The following LYZL4 variants were observed in gnomAD, a reference collection of about 807,000 sequenced individuals.
The protein encoded by LYZL4 is lysozyme-like protein 4.
In LYZL4, 13 loss-of-function variants were observed where a neutral mutation model predicts 17.6. That is an observed-to-expected ratio of 0.74 (90% CI 0.48 to 1.18). The LOEUF (loss-of-function observed/expected upper bound fraction) is 1.18. Among genes scored for constraint, LYZL4 ranks in the 50% most tolerant of loss-of-function variants. The pLI is 0.00. For missense variants in LYZL4, 174 were observed against 188.2 expected (o/e 0.92, Z 0.44); for synonymous variants, 64 against 67.7 (o/e 0.95, Z 0.27).
intron 3 of LYZL4, among the ~76,000 whole-genome samples, chr3:42,405,690 G>C (rs1698736770): frequency 6.6e-6 from 1 of 152,092 alleles, no homozygotes; most frequent in Non-Finnish European, 1.5e-5. Context: ...CCTCAGATGT[G>C]AGGGAGACCT....
the LYZL4 span, among the ~76,000 whole-genome samples, chr3:42,387,903 A>T: frequency 6.6e-6 from 1 of 152,006 alleles, no homozygotes; most frequent in East Asian, 1.9e-4. Context: ...TGTTGGGACA[A>T]ATCTCACTGG....
the LYZL4 span, among the ~76,000 whole-genome samples, chr3:42,383,439 C>CAAA: frequency 3.7e-5 from 4 of 108,900 alleles, no homozygotes; most frequent in South Asian, 3.4e-4. Context: ...TGATTTCCAC[C>CAAA]AAAAAAAAAA....
chr3:42,381,939 CT>C, the LYZL4 span, among the ~76,000 whole-genome samples: 10 of 152,294 alleles, frequency 6.6e-5, no homozygotes, highest in Admixed American at 2.0e-4. Context: ...GAGCTAAAAA[CT>C]GTAGCTTTCT....
chr3:42,409,314 T>C (rs952066688), intron 1 of LYZL4, among the ~76,000 whole-genome samples: 1 of 152,188 alleles, frequency 6.6e-6, no homozygotes, highest in Non-Finnish European at 1.5e-5. Flanking sequence ...GTATGGACAT[T>C]TTTCTTAGCT....
chr3:42,390,955 G>A, the LYZL4 span, among the ~76,000 whole-genome samples: 2 of 152,104 alleles, frequency 1.3e-5, no homozygotes, highest in African/African-American at 2.4e-5. Flanking sequence ...ATTAAGGCTG[G>A]CCACATAGCT....
chr3:42,406,799 C>T, intron 3 of LYZL4, 47 bp downstream of exon 3: 2 of 1,607,098 alleles, frequency 1.2e-6, no homozygotes, highest in East Asian at 2.2e-5. Flanking sequence ...TCTAACACAG[C>T]ACCATAGCCT....
intron 4 of LYZL4, among the ~76,000 whole-genome samples, chr3:42,399,551 C>A (rs757970033): frequency 6.6e-6 from 1 of 152,110 alleles, no homozygotes; most frequent in African/African-American, 2.4e-5. Context: ...TTCATGAGCT[C>A]TATTAATAGC....
chr3:42,387,097 C>T, the LYZL4 span, among the ~76,000 whole-genome samples: 1 of 152,162 alleles, frequency 6.6e-6, no homozygotes, highest in Non-Finnish European at 1.5e-5. Flanking sequence ...TTTATTTCTT[C>T]ATTTCCTCAC....
the LYZL4 span, among the ~76,000 whole-genome samples, chr3:42,387,378 G>A: frequency 6.6e-6 from 1 of 152,192 alleles, no homozygotes; most frequent in African/African-American, 2.4e-5. Flanking sequence ...AGAATTTCAT[G>A]TGTGTCACTT....
chr3:42,365,421 T>C, the LYZL4 span, among the ~76,000 whole-genome samples: 1 of 152,198 alleles, frequency 6.6e-6, no homozygotes, highest in Admixed American at 6.5e-5. Flanking sequence ...TTCTCTGTAG[T>C]TATCTAGGCT....
chr3:42,398,478 A>C (rs1266141234), intron 4 of LYZL4, among the ~76,000 whole-genome samples: 1 of 152,240 alleles, frequency 6.6e-6, no homozygotes, highest in African/African-American at 2.4e-5. Flanking sequence ...CAAACACTCC[A>C]AAGTCAGTTA....
the LYZL4 span, among the ~76,000 whole-genome samples, chr3:42,370,666 A>G: frequency 4.6e-5 from 7 of 152,236 alleles, no homozygotes; most frequent in Admixed American, 4.6e-4. Flanking sequence ...CACTACCACT[A>G]TTTCCTTCTA....
At chr3:42,403,182 G>C (rs1698686923) in intron 4 of LYZL4, among the ~76,000 whole-genome samples, 1 of 151,314 alleles carries the variant, frequency 6.6e-6, no homozygotes, top group South Asian at 2.1e-4. Context: ...CAAAACAATA[G>C]TAATATATAA....
At chr3:42,387,015 A>G in the LYZL4 span, among the ~76,000 whole-genome samples, 2 of 152,110 alleles carry the variant, frequency 1.3e-5, no homozygotes, top group African/African-American at 4.8e-5. Flanking sequence ...TTTGCGTTTT[A>G]TTTCTCTGCT....
At chr3:42,409,001 C>T (rs570449900) in intron 1 of LYZL4, among the ~76,000 whole-genome samples, 42 of 152,280 alleles carry the variant, frequency 2.8e-4, no homozygotes, top group Non-Finnish European at 4.6e-4. Context: ...TACTTTCAAA[C>T]GTTTGTTCAA....
At chr3:42,386,146 AGGCTGGAGTGCAGT>A in the LYZL4 span, among the ~76,000 whole-genome samples, 1 of 151,610 alleles carries the variant, frequency 6.6e-6, no homozygotes, top group African/African-American at 2.4e-5. Context: ...TCTATTGCCC[AGGCTGGAGTGCAGT>A]GGTGTGATCT....
At chr3:42,387,656 G>A in the LYZL4 span, among the ~76,000 whole-genome samples, 61 of 152,176 alleles carry the variant, frequency 4.0e-4, no homozygotes, top group African/African-American at 1.3e-3. Context: ...CAGGGTGGGA[G>A]GTTCAAAAAG....
chr3:42,393,337 GCACACACACACACA>G (rs3071913), downstream of LYZL4, among the ~76,000 whole-genome samples: 1 of 148,814 alleles, frequency 6.7e-6, no homozygotes, highest in African/African-American at 2.5e-5. Flanking sequence ...GTGTGCGCGT[GCACACACACACACA>G]CACACACACA....
chr3:42,362,692 C>T, the LYZL4 span, among the ~76,000 whole-genome samples: 28 of 152,314 alleles, frequency 1.8e-4, no homozygotes, highest in African/African-American at 5.3e-4. Context: ...GCCCCACCTC[C>T]TAATACCATT....
Sources: allele counts gnomAD v4.1 joint callset (sites outside exome capture counted in the v4.1 genomes callset), GRCh38; gene constraint gnomAD v4.1.1; transcripts MANE v1.5; gene names NCBI Gene and HGNC (gene_info 2026-07-23, HGNC 2026-07-21).